The following GABARAPL1 variants were observed in gnomAD, a reference collection of about 807,000 sequenced individuals.
GABARAPL1 encodes the protein GABA type A receptor associated protein like 1, also known as gamma-aminobutyric acid receptor-associated protein-like 1.
Under a neutral mutation model 14.5 loss-of-function variants are expected in GABARAPL1, and 4 were observed. The observed-to-expected ratio is 0.28, with a 90% CI of 0.14 to 0.63. The LOEUF is 0.63. Among genes scored for constraint, GABARAPL1 ranks in the 30% least tolerant of loss-of-function variants. GABARAPL1 has a pLI of 0.84. For missense variants in GABARAPL1, 82 were observed against 139.2 expected, an observed-to-expected ratio of 0.59 and a Z score of 2.07; for synonymous variants, 47 against 50.6, an observed-to-expected ratio of 0.93 and a Z score of 0.30.
intron 2 of GABARAPL1, 99 bp downstream of exon 2, chr12:10,218,240 T>C: frequency 1.3e-6 from 1 of 790,336 alleles, no homozygotes; most frequent in South Asian, 1.4e-5. Flanking sequence ...CAGTACATAC[T>C]TGAAGGAAGT....
intron 1 of GABARAPL1, among the ~76,000 whole-genome samples, chr12:10,217,552 T>G (rs1222441735): frequency 6.6e-6 from 1 of 152,098 alleles, no homozygotes; most frequent in Non-Finnish European, 1.5e-5. Flanking sequence ...CCCAACATGG[T>G]GAAACCGCAT....
rs1445756056 is a variant in GABARAPL1, at chr12:10,220,643, C to T, written c.288+85C>T. On this transcript the variant is annotated intron_variant, in intron 3 of 3. Coordinates refer to ENST00000266458, the MANE Select transcript of GABARAPL1 (RefSeq NM_031412.4). The stretch of plus-strand genomic sequence containing the variant: ...CCTTGTTCTAGATGCGTTGATAACA[C>T]ATCTGAGAAGTGGGGCAGAAGGTGT... 4 of 1,597,698 alleles carry T rather than the reference C, an allele frequency of 2.5e-6. No individual in the cohort carries two copies. In the South Asian group the frequency reaches 4.5e-5, roughly 18 times the overall value.
intron 3 of GABARAPL1, 114 bp downstream of exon 3, chr12:10,220,672 T>A (rs1949116070): frequency 6.4e-7 from 1 of 1,562,152 alleles, no homozygotes. Context: ...AAGGTGTTAT[T>A]TATCCGGATC....
chr12:10,215,056 A>T (rs1368117064), intron 1 of GABARAPL1, among the ~76,000 whole-genome samples: 1 of 152,184 alleles, frequency 6.6e-6, no homozygotes, highest in African/African-American at 2.4e-5. Context: ...GCTGCTCCCA[A>T]GGTGACCAGT....
chr12:10,216,385 A>C (rs1335337881), intron 1 of GABARAPL1, among the ~76,000 whole-genome samples: 1 of 151,708 alleles, frequency 6.6e-6, no homozygotes, highest in South Asian at 2.1e-4. Context: ...AAAAAAAGTT[A>C]CTGGAATACT....
chr12:10,212,924 C>G lies in GABARAPL1; in HGVS notation c.-206C>G, dbSNP rs1198665901. On this transcript the variant is annotated 5_prime_UTR_variant, in exon 1 of 4. It adds an upstream start codon to the 5' untranslated region. Coordinates refer to ENST00000266458, the MANE Select transcript of GABARAPL1 (RefSeq NM_031412.4). ...CGAAAAGCCGCCGGTATTTCTCCAT[C>G]TGGCTCTCCTCTACCTCCAGGCAGG... 1.7e-5 allele frequency: 9 copies of G among 535,430 alleles called. No individual in the cohort carries two copies. Among genetic ancestry groups the G allele is most frequent in the Non-Finnish European group, 2.4e-5 (7 of 297,424 alleles). 33.2% of individuals were successfully genotyped at this position (535,430 alleles called of 1,614,324 possible).
Position 10,219,671 on chromosome 12 carries a change from G to A in GABARAPL1, c.170-769G>A, listed in dbSNP as rs149209066. ...AAAAGTTAGCTGGGCATGGTGGCGC[G>A]TGCCTGTAATCCCAGCTACTCGGGA... On this transcript the variant is annotated intron_variant, in intron 2 of 3. Coordinates refer to ENST00000266458, the MANE Select transcript of GABARAPL1 (RefSeq NM_031412.4). Among the ~76,000 whole-genome samples, 104 of 151,996 alleles carry A rather than the reference G, an allele frequency of 6.8e-4. 1 individual carries two copies. In the East Asian group the frequency reaches 0.016, roughly 23 times the overall value.
At chr12:10,216,537 CTTTTTTTTTTTT>C (rs71049067) in intron 1 of GABARAPL1, among the ~76,000 whole-genome samples, 1 of 112,212 alleles carries the variant, frequency 8.9e-6, no homozygotes, top group Non-Finnish European at 1.8e-5. Flanking sequence ...ATTTTCTTTT[CTTTTTTTTTTTT>C]TTTTTTTGAG....
At position 10,213,047 on chromosome 12, in the gene GABARAPL1, G is replaced by C; in HGVS notation, c.-83G>C. 1.2e-6 allele frequency: 1 copy of C among 821,644 alleles called. No homozygotes were observed. The highest frequency in any genetic ancestry group is 2.1e-6 in the Non-Finnish European group (1 of 485,648). The allele number at this position is 821,644 out of a possible 1,614,324, so 50.9% of individuals were successfully genotyped here. ...TCTGCAGCTATTCTGAGCACACCTT[G>C]ACGTCGGCTGAGGGAGCGGGACAGG... On this transcript the variant is annotated 5_prime_UTR_variant, in exon 1 of 4. Coordinates refer to ENST00000266458, the MANE Select transcript of GABARAPL1 (RefSeq NM_031412.4).
At chr12:10,213,924 T>C (rs1306714555) in intron 1 of GABARAPL1, 2 of 453,820 alleles carry the variant, frequency 4.4e-6, no homozygotes, top group Admixed American at 2.4e-5. Flanking sequence ...GACTGAGACG[T>C]TTTTTCTCCG....
In GABARAPL1 at chr12:10,212,907, C is replaced by T. The variant is rs1490162999; in HGVS notation, c.-223C>T. On this transcript the variant is annotated 5_prime_UTR_variant, in exon 1 of 4. Coordinates refer to ENST00000266458, the MANE Select transcript of GABARAPL1 (RefSeq NM_031412.4). ...TGTGCTCCCAGCTCTAGCGAAAAGC[C>T]GCCGGTATTTCTCCATCTGGCTCTC... The T allele has an allele frequency of 2.0e-6, 1 of 490,348 alleles. No individual in the cohort carries two copies. The highest frequency in any genetic ancestry group is 2.0e-5 in the African/African-American group (1 of 49,854). 30.4% of individuals were successfully genotyped at this position (490,348 alleles called of 1,614,324 possible).
chr12:10,213,244 T>G (rs1274490423), intron 1 of GABARAPL1, 25 bp downstream of exon 1: 60 of 1,127,094 alleles, frequency 5.3e-5, no homozygotes, highest in East Asian at 9.4e-5. Context: ...GCGGAGGGGA[T>G]GGGAGGGGAA....
chr12:10,218,048 C>T lies in GABARAPL1; in HGVS notation c.91-15C>T. On this transcript the variant is annotated splice_polypyrimidine_tract_variant and intron_variant, in intron 1 of 3. Coordinates refer to ENST00000266458, the MANE Select transcript of GABARAPL1 (RefSeq NM_031412.4). ...TTCTGTAGTTTTCATTCCTACTCTC[C>T]TCCTCTTCTTCCAGGTGATTGTAGA... is the stretch of plus-strand genomic sequence containing the variant. 2.0e-6 allele frequency: 3 copies of T among 1,532,510 alleles called. No individual in the cohort carries two copies. The highest frequency in any genetic ancestry group is 2.7e-6 in the Non-Finnish European group (3 of 1,105,790). The allele number at this position is 1,532,510 out of a possible 1,614,324, so 94.9% of individuals were successfully genotyped here.
intron 2 of GABARAPL1, among the ~76,000 whole-genome samples, chr12:10,220,122 G>A (rs1424925887): frequency 6.6e-6 from 1 of 152,154 alleles, no homozygotes; most frequent in Admixed American, 6.5e-5. Context: ...GAATGTTTTG[G>A]TCTGGATGCA....
Position 10,212,956 on chromosome 12 carries a change from C to T in GABARAPL1, c.-174C>T, listed in dbSNP as rs1414544190. On this transcript the variant is annotated 5_prime_UTR_variant, in exon 1 of 4. Coordinates refer to ENST00000266458, the MANE Select transcript of GABARAPL1 (RefSeq NM_031412.4). ...TCCTCTACCTCCAGGCAGGCTCACC[C>T]GAGATCCCCGCCCCGAACCCCCCCT... The T allele has an allele frequency of 5.1e-6, 3 of 593,954 alleles. No individual in the cohort carries two copies. The highest frequency in any genetic ancestry group is 2.9e-5 in the East Asian group (1 of 34,570). 36.8% of individuals were successfully genotyped at this position (593,954 alleles called of 1,614,324 possible).
In GABARAPL1 at chr12:10,220,489, G is replaced by A; in HGVS notation, c.219G>A (p.Glu73=). 6.2e-7 allele frequency: 1 copy of A among 1,613,520 alleles called. No homozygotes were observed. Among genetic ancestry groups the A allele is most frequent in the Non-Finnish European group, 8.5e-7 (1 of 1,180,006 alleles). ...LIRKRIHLRP[E]DALFFFVNNT... Reference sequence around the variant, plus strand: ...GGAAGAGAATCCACCTGAGACCTGAGGACGCCTTATTCTTCTTTGTCAACA... The same window carrying A: ...GGAAGAGAATCCACCTGAGACCTGAAGACGCCTTATTCTTCTTTGTCAACA... Residue 73 remains glutamate, a synonymous_variant, in exon 3 of 4, where the codon GAG becomes GAA. Transcript: ENST00000266458.
At chr12:10,215,506 G>T (rs1375127126) in intron 1 of GABARAPL1, among the ~76,000 whole-genome samples, 1 of 152,136 alleles carries the variant, frequency 6.6e-6, no homozygotes, top group African/African-American at 2.4e-5. Context: ...AAAGCATCTA[G>T]CCCAGGGGTC....
intron 1 of GABARAPL1, among the ~76,000 whole-genome samples, chr12:10,217,479 C>T (rs187503323): frequency 8.6e-4 from 131 of 152,280 alleles, no homozygotes; most frequent in African/African-American, 3.1e-3. Flanking sequence ...CATCTGTAAT[C>T]CCAGCACTTT....
chr12:10,220,878 C>G, intron 3 of GABARAPL1: 1 of 1,409,578 alleles, frequency 7.1e-7, no homozygotes, highest in Non-Finnish European at 9.2e-7. Flanking sequence ...AAGCGTCAGC[C>G]CATCGCAGTT....
Sources: gnomAD v4.1 joint callset for allele counts (sites outside exome capture counted in the v4.1 genomes callset) on GRCh38, gnomAD v4.1.1 for gene constraint, MANE v1.5 for transcripts, NCBI Gene and HGNC (gene_info 2026-07-23, HGNC 2026-07-21) for gene names.